FSTL1: variants seen among roughly 807,000 people sequenced by gnomAD.
FSTL1 encodes follistatin-related protein 1.
Under a neutral mutation model 45.9 loss-of-function variants are expected in FSTL1, and 24 were observed. That is an observed-to-expected ratio of 0.52 (90% CI 0.38 to 0.74). The LOEUF is 0.74. Among genes scored for constraint, FSTL1 ranks in the 30% least tolerant of loss-of-function variants. The probability of loss-of-function intolerance (pLI) is 0.00; values close to 1 mark genes in which losing one functional copy is unlikely to be tolerated. For missense variants in FSTL1, 340 were observed against 381.8 expected, an observed-to-expected ratio of 0.89 and a Z score of 0.91; for synonymous variants, 120 against 137.6, an observed-to-expected ratio of 0.87 and a Z score of 0.89.
Position 120,403,313 on chromosome 3 carries a change from T to G in FSTL1, c.623A>C (p.Asn208Thr), listed in dbSNP as rs1223541350. 1 of 1,612,478 alleles carries G rather than the reference T, an allele frequency of 6.2e-7. No individual in the cohort carries two copies. The highest frequency in any genetic ancestry group is 8.5e-7 in the Non-Finnish European group (1 of 1,178,580). Residue 208 changes from asparagine (N) to threonine (T), a missense_variant, in exon 8 of 11, where the codon AAT becomes ACT. By Grantham distance (65) the Asn-to-Thr change is moderately conservative. Coordinates refer to ENST00000295633, the MANE Select transcript of FSTL1 (RefSeq NM_007085.5). ...TTGGAAGCTGAGTTTCCAATCAGCATTTTCATCAGACAGTTCAATGAGAGC... is the reference window on the plus strand; with the variant it reads ...TTGGAAGCTGAGTTTCCAATCAGCAGTTTCATCAGACAGTTCAATGAGAGC... ...VDALIELSDE[N>T]ADWKLSFQEF... is the part of the protein sequence containing the mutation.
At chr3:120,400,662 A>G (rs1393101093) in intron 9 of FSTL1, among the ~76,000 whole-genome samples, 3 of 152,196 alleles carry the variant, frequency 2.0e-5, no homozygotes, top group Admixed American at 2.0e-4. Context: ...TTCCCTTCAC[A>G]GCAGTTTCCC....
At chr3:120,427,197 A>G (rs927198321) in intron 2 of FSTL1, among the ~76,000 whole-genome samples, 2 of 152,172 alleles carry the variant, frequency 1.3e-5, no homozygotes, top group Admixed American at 1.3e-4. Context: ...GGCTTGGGTC[A>G]AGTTACACCA....
At chr3:120,438,291 G>A (rs983122300) in intron 2 of FSTL1, 4 of 152,104 alleles carry the variant, frequency 2.6e-5, no homozygotes, top group South Asian at 2.1e-4. Flanking sequence ...TTTCTTGATC[G>A]ACTACAAGGA....
At chr3:120,445,884 G>A (rs1937728132) in intron 2 of FSTL1, among the ~76,000 whole-genome samples, 1 of 149,908 alleles carries the variant, frequency 6.7e-6, no homozygotes, top group Non-Finnish European at 1.5e-5. Flanking sequence ...GCTCGATGAG[G>A]ACAGTGAAGG....
chr3:120,435,564 T>C (rs375952355), intron 2 of FSTL1, among the ~76,000 whole-genome samples: 3 of 152,340 alleles, frequency 2.0e-5, no homozygotes, highest in South Asian at 2.1e-4. Context: ...TTTCTGAATA[T>C]GGCTACTGTC....
intron 7 of FSTL1, among the ~76,000 whole-genome samples, chr3:120,403,963 AAAAC>A (rs1936891805): frequency 1.6e-5 from 1 of 63,742 alleles, no homozygotes; most frequent in Non-Finnish European, 3.1e-5. Context: ...AAACAAAACA[AAAAC>A]AAAAACAAAA....
intron 2 of FSTL1, among the ~76,000 whole-genome samples, chr3:120,447,380 C>T (rs1005759284): frequency 1.3e-5 from 2 of 151,904 alleles, no homozygotes; most frequent in Non-Finnish European, 2.9e-5. Context: ...CTGCCTAGTC[C>T]ATTCACATGT....
At position 120,392,310 on chromosome 3, in the gene FSTL1, T is replaced by C. The variant is rs1436707112; in HGVS notation, c.*4642A>G. 6.6e-6 allele frequency: 1 copy of C among 152,174 alleles called. No individual in the cohort carries two copies. Among genetic ancestry groups the C allele is most frequent in the East Asian group, 1.9e-4 (1 of 5,196 alleles). The allele number at this position is 152,174 out of a possible 1,614,324, so 9.4% of individuals were successfully genotyped here. ...AGAACCAATTATTCATGAGATGATA[T>C]TTAATCTTACAAAAGGAATAATGAA... On this transcript the variant is annotated 3_prime_UTR_variant, in exon 11 of 11. Transcript: ENST00000295633.
chr3:120,419,990 G>A (rs551277742), intron 2 of FSTL1, among the ~76,000 whole-genome samples: 2 of 152,248 alleles, frequency 1.3e-5, no homozygotes, highest in South Asian at 2.1e-4. Context: ...GCTCTGTGAC[G>A]CATGGAGGCC....
Position 120,412,836 on chromosome 3 carries a change from GCGCACACACACACA to G in FSTL1, c.169-867_169-854del, listed in dbSNP as rs1393234707. Among the ~76,000 whole-genome samples, 7 of 72,788 alleles carry G rather than the reference GCGCACACACACACA, an allele frequency of 9.6e-5. No homozygotes were observed. The South Asian group carries it at 1.2e-3, about 13-fold the overall frequency. 47.8% of individuals were successfully genotyped at this position (72,788 alleles called of 152,430 possible). Reference sequence around the variant, plus strand: ...CACACATGTGCGCGCGCGCGCGCGCGCGCACACACACACACACACACACACACACACACACACAC... The same window carrying G: ...CACACATGTGCGCGCGCGCGCGCGCGCACACACACACACACACACACACAC... On this transcript the variant is annotated intron_variant, in intron 3 of 10. Coordinates refer to ENST00000295633, the MANE Select transcript of FSTL1 (RefSeq NM_007085.5).
chr3:120,415,600 G>C (rs1047766193), intron 3 of FSTL1, among the ~76,000 whole-genome samples: 1 of 152,046 alleles, frequency 6.6e-6, no homozygotes, highest in African/African-American at 2.4e-5. Context: ...TGTTAACGCT[G>C]GTTACTTCAG....
chr3:120,435,721 T>C (rs1180579871), intron 2 of FSTL1, among the ~76,000 whole-genome samples: 2 of 152,216 alleles, frequency 1.3e-5, no homozygotes, highest in African/African-American at 2.4e-5. Flanking sequence ...AGGAAGTCTT[T>C]ACATTCCAGG....
At chr3:120,446,860 T>C (rs1175609773) in intron 2 of FSTL1, among the ~76,000 whole-genome samples, 2 of 152,340 alleles carry the variant, frequency 1.3e-5, no homozygotes, top group East Asian at 3.9e-4. Context: ...ATTTGTAGAA[T>C]TGCTATTGTT....
rs143363402 is a variant in FSTL1, at chr3:120,440,052, G to A, written c.63+10632C>T. On this transcript the variant is annotated intron_variant, in intron 2 of 10. Coordinates refer to ENST00000295633, the MANE Select transcript of FSTL1 (RefSeq NM_007085.5). ...TTGCTTAAGCCAGGATGTAGAGGCT[G>A]CAGTGAGCTAAGATTGTGTCACTGC... Among the ~76,000 whole-genome samples, 20 of 152,302 alleles carry A rather than the reference G, an allele frequency of 1.3e-4. No individual in the cohort carries two copies. In the East Asian group the frequency reaches 3.9e-3, roughly 29 times the overall value.
rs995330037 is a variant in FSTL1, at chr3:120,409,464, C to T, written c.462+68G>A. The T allele has an allele frequency of 2.1e-5, 29 of 1,399,904 alleles. 1 individual carries two copies. The highest frequency in any genetic ancestry group is 1.8e-4 in the South Asian group (15 of 83,570). The allele number at this position is 1,399,904 out of a possible 1,614,324, so 86.7% of individuals were successfully genotyped here. A position where few individuals can be genotyped will look rare whatever the true frequency, so the allele number is the denominator to read the frequency against. On this transcript the variant is annotated intron_variant, in intron 6 of 10. Transcript: ENST00000295633. ...TTCCTGTGGTCTGGGAAGGTGTGAT[C>T]GGGCAATGGGAGGAGGAAGCTTCCC...
At chr3:120,397,044 G>T (rs1936716298) in intron 10 of FSTL1, 48 bp from the exon 11 acceptor site, 4 of 1,421,440 alleles carry the variant, frequency 2.8e-6, no homozygotes, top group Admixed American at 1.7e-5. Context: ...TTAAACAACT[G>T]TTGGAATTTA....
At chr3:120,441,021 A>C (rs1199669005) in intron 2 of FSTL1, among the ~76,000 whole-genome samples, 1 of 152,244 alleles carries the variant, frequency 6.6e-6, no homozygotes. Context: ...AAAGTACCAG[A>C]AGCTGTGGCC....
intron 2 of FSTL1, among the ~76,000 whole-genome samples, chr3:120,447,581 C>A (rs549604067): frequency 6.6e-6 from 1 of 152,230 alleles, no homozygotes; most frequent in African/African-American, 2.4e-5. Flanking sequence ...AGAAAGCAAC[C>A]CTGAGGTGCC....
At chr3:120,403,943 A>AAC (rs1936888055) in intron 7 of FSTL1, among the ~76,000 whole-genome samples, 1 of 110,240 alleles carries the variant, frequency 9.1e-6, no homozygotes, top group Non-Finnish European at 1.9e-5. Flanking sequence ...AAAAAAAAAA[A>AAC]ACAAAAACAA....
Sources: gnomAD v4.1 joint callset for allele counts (sites outside exome capture counted in the v4.1 genomes callset) on GRCh38, gnomAD v4.1.1 for gene constraint, MANE v1.5 for transcripts, NCBI Gene and HGNC (gene_info 2026-07-23, HGNC 2026-07-21) for gene names.